PRDM5: variants seen among roughly 807,000 people sequenced by gnomAD.
The protein encoded by PRDM5 is PR/SET domain 5, also known as PR domain zinc finger protein 5.
In PRDM5, 56 loss-of-function variants were observed where a neutral mutation model predicts 81.2. The ratio of observed to expected loss-of-function variants is 0.69; its 90% confidence interval spans 0.56 to 0.86. The LOEUF (loss-of-function observed/expected upper bound fraction) is 0.86. Among genes scored for constraint, PRDM5 ranks in the 40% least tolerant of loss-of-function variants. The pLI is 0.00. For missense variants in PRDM5, 697 were observed against 770.1 expected (o/e 0.91, Z 1.12); for synonymous variants, 267 against 256.4 (o/e 1.04, Z -0.39).
intron 11 of PRDM5, 120 bp from the exon 12 acceptor site, chr4:120,781,423 CT>C: frequency 1.1e-6 from 1 of 890,504 alleles, no homozygotes; most frequent in Non-Finnish European, 1.8e-6. Flanking sequence ...AGAATGTTAA[CT>C]TTTTATTTTT....
chr4:120,918,226 G>C (rs1724446425), intron 1 of PRDM5, among the ~76,000 whole-genome samples: 6 of 152,206 alleles, frequency 3.9e-5, no homozygotes, highest in Admixed American at 3.9e-4. Context: ...ATACAAAGCT[G>C]CCTTGAGTCA....
chr4:120,734,971 C>T (rs1052908257), intron 14 of PRDM5, among the ~76,000 whole-genome samples: 12 of 152,234 alleles, frequency 7.9e-5, no homozygotes, highest in Admixed American at 3.3e-4. Context: ...CTTCAGTACA[C>T]GGCACATAGC....
chr4:120,769,817 A>C (rs114217294), intron 13 of PRDM5, among the ~76,000 whole-genome samples: 3 of 152,162 alleles, frequency 2.0e-5, no homozygotes, highest in Admixed American at 2.0e-4. Context: ...ACTGAAAGAA[A>C]ACAAAAACAA....
intron 14 of PRDM5, among the ~76,000 whole-genome samples, chr4:120,737,356 C>T (rs749926968): frequency 1.3e-5 from 2 of 152,128 alleles, no homozygotes; most frequent in African/African-American, 4.8e-5. Flanking sequence ...TGTGGAAATG[C>T]AGAGAAGCAC....
At chr4:120,878,562 T>C (rs921722378) in intron 2 of PRDM5, among the ~76,000 whole-genome samples, 5 of 152,202 alleles carry the variant, frequency 3.3e-5, no homozygotes, top group African/African-American at 1.2e-4. Context: ...GAAATATTGG[T>C]AAGTTTGACT....
chr4:120,701,806 T>C (rs970938640), intron 15 of PRDM5, among the ~76,000 whole-genome samples: 18 of 152,066 alleles, frequency 1.2e-4, no homozygotes, highest in East Asian at 1.9e-4. Flanking sequence ...AGATGTACTC[T>C]CTGAATCTAA....
chr4:120,854,297 G>A (rs1157329723), intron 2 of PRDM5, among the ~76,000 whole-genome samples: 1 of 152,108 alleles, frequency 6.6e-6, no homozygotes, highest in Non-Finnish European at 1.5e-5. Context: ...ATTATCAGTT[G>A]CTAGGGACTT....
At chr4:120,698,459 A>C (rs1457093292) in intron 15 of PRDM5, among the ~76,000 whole-genome samples, 1 of 152,040 alleles carries the variant, frequency 6.6e-6, no homozygotes, top group Non-Finnish European at 1.5e-5. Context: ...TCAGTGCCCA[A>C]TCCTTGGCTT....
At chr4:120,783,703 T>C (rs1749366438) in intron 11 of PRDM5, among the ~76,000 whole-genome samples, 1 of 152,166 alleles carries the variant, frequency 6.6e-6, no homozygotes, top group Non-Finnish European at 1.5e-5. Flanking sequence ...TTTAAACACA[T>C]AATTCTTTTT....
intron 13 of PRDM5, among the ~76,000 whole-genome samples, chr4:120,765,041 A>G (rs956485354): frequency 6.6e-6 from 1 of 152,092 alleles, no homozygotes; most frequent in Non-Finnish European, 1.5e-5. Context: ...ATTACTTATA[A>G]TTATTTAAAG....
chr4:120,729,282 C>A (rs548505974), intron 14 of PRDM5, among the ~76,000 whole-genome samples: 3 of 152,044 alleles, frequency 2.0e-5, no homozygotes, highest in Admixed American at 6.6e-5. Flanking sequence ...AAGGAAAGAT[C>A]CATAACTCTA....
intron 14 of PRDM5, among the ~76,000 whole-genome samples, chr4:120,733,518 A>C (rs1740581402): frequency 6.6e-6 from 1 of 152,160 alleles, no homozygotes; most frequent in Non-Finnish European, 1.5e-5. Flanking sequence ...AGACTTCCTC[A>C]GTGGACCCTA....
At chr4:120,766,625 CA>C (rs1032950398) in intron 13 of PRDM5, among the ~76,000 whole-genome samples, 8 of 151,972 alleles carry the variant, frequency 5.3e-5, no homozygotes, top group Admixed American at 1.3e-4. Context: ...CAGCAGGGGT[CA>C]GGGGGTATGT....
At chr4:120,885,202 C>A (rs1056905315) in intron 2 of PRDM5, among the ~76,000 whole-genome samples, 12 of 149,872 alleles carry the variant, frequency 8.0e-5, no homozygotes, top group Non-Finnish European at 1.5e-4. Flanking sequence ...CCACCTCTGG[C>A]ATATTAGAGG....
intron 15 of PRDM5, among the ~76,000 whole-genome samples, chr4:120,705,340 G>A (rs1159470165): frequency 6.6e-6 from 1 of 152,126 alleles, no homozygotes; most frequent in African/African-American, 2.4e-5. Flanking sequence ...AATTTTTGGT[G>A]GATATAAGTG....
At chr4:120,715,505 C>A (rs1737616848) in intron 14 of PRDM5, among the ~76,000 whole-genome samples, 1 of 152,238 alleles carries the variant, frequency 6.6e-6, no homozygotes, top group South Asian at 2.1e-4. Flanking sequence ...TGTCTTTTCA[C>A]AACTTCAAAT....
intron 13 of PRDM5, among the ~76,000 whole-genome samples, chr4:120,775,048 TA>T (rs1216170393): frequency 2.0e-5 from 3 of 151,234 alleles, no homozygotes; most frequent in African/African-American, 7.3e-5. Flanking sequence ...AATCAAATTG[TA>T]TGTGTTAGTT....
chr4:120,732,794 G>T (rs1230565763), intron 14 of PRDM5, among the ~76,000 whole-genome samples: 1 of 152,168 alleles, frequency 6.6e-6, no homozygotes, highest in Non-Finnish European at 1.5e-5. Context: ...AAATATTCCT[G>T]CTATAACTAG....
At chr4:120,812,538 T>C (rs1753989587) in intron 7 of PRDM5, 1 of 160,246 alleles carries the variant, frequency 6.2e-6, no homozygotes, top group African/African-American at 2.4e-5. Flanking sequence ...TTGCTGAACA[T>C]TTTTTCATAT....
Sources: gnomAD v4.1 joint callset for allele counts (sites outside exome capture counted in the v4.1 genomes callset) on GRCh38, gnomAD v4.1.1 for gene constraint, MANE v1.5 for transcripts, NCBI Gene and HGNC (gene_info 2026-07-23, HGNC 2026-07-21) for gene names.